Variants in GNAS observed in about 807,000 individuals in gnomAD.
GNAS encodes the protein protein ALEX.
GNAS carries 8 observed loss-of-function variants against 54.5 expected under a neutral mutation model. The observed-to-expected ratio is 0.15, with a 90% CI of 0.09 to 0.26. The LOEUF (loss-of-function observed/expected upper bound fraction) is 0.26, where lower values mean the gene tolerates loss of function less well. Ranked by LOEUF, GNAS falls within the 10% of genes least tolerant of loss-of-function variation. GNAS has a pLI of 1.00. For synonymous variants in GNAS, 204 were observed against 191.4 expected (o/e 1.07, Z -0.54); for missense variants, 170 against 529.8 (o/e 0.32, Z 6.67).
chr20:58,903,604 T>C lies in GNAS; in HGVS notation c.312+19T>C, dbSNP rs764757413. 2 of 1,614,042 alleles carry C rather than the reference T, an allele frequency of 1.2e-6. No homozygotes were observed. The highest frequency in any genetic ancestry group is 2.7e-5 in the African/African-American group (2 of 74,924). On this transcript the variant is annotated intron_variant, in intron 4 of 12. Transcript: ENST00000371085. Reference sequence around the variant, plus strand: ...GATTGAAGTACGTGCTGGCTCCTTGTGCTGTCTGTCTTGTAGCGCCCTCCC... The same window carrying C: ...GATTGAAGTACGTGCTGGCTCCTTGCGCTGTCTGTCTTGTAGCGCCCTCCC...
intron 1 of GNAS, among the ~76,000 whole-genome samples, chr20:58,861,727 C>T (rs144526468): frequency 8.5e-5 from 13 of 152,216 alleles, no homozygotes; most frequent in South Asian, 2.1e-4. Context: ...TTTATTGAGA[C>T]GGAGTTTTGC....
rs1333423712 is a variant in GNAS at position 58,857,446 on chromosome 20, C to T, written c.43+16560C>T. On this transcript the variant is annotated intron_variant, in intron 1 of 12. Transcript: ENST00000306090. The surrounding 1 kb of genome is among the most constrained non-coding windows in gnomAD (Gnocchi z 4.1). ...ACCCATTTCAATATTCCAAGCACAG[C>T]TCTGGGAAGCAAACCTGTAGATTGG... Among the ~76,000 whole-genome samples, 2 of 152,216 alleles carry T rather than the reference C, an allele frequency of 1.3e-5. No homozygotes were observed. Among genetic ancestry groups the T allele is most frequent in the African/African-American group, 4.8e-5 (2 of 41,442 alleles).
At chr20:58,901,882 C>T (rs1283828168) in intron 3 of GNAS, among the ~76,000 whole-genome samples, 2 of 133,400 alleles carry the variant, frequency 1.5e-5, no homozygotes, top group African/African-American at 5.6e-5. Flanking sequence ...CTGCCCTGCT[C>T]GTCTGCTCGT....
chr20:58,886,907 G>A (rs899780057), upstream of GNAS, among the ~76,000 whole-genome samples: 7 of 152,224 alleles, frequency 4.6e-5, no homozygotes, highest in African/African-American at 1.7e-4. Context: ...AAATATAGGT[G>A]AAACCTACAC....
chr20:58,900,072 G>A, intron 3 of GNAS: 2 of 599,530 alleles, frequency 3.3e-6, no homozygotes, highest in South Asian at 2.0e-5. Flanking sequence ...TGTTATCTGA[G>A]GGGGGAGGGG....
chr20:58,854,416 G>T (rs939626497), intron 1 of GNAS: 1 of 1,568,958 alleles, frequency 6.4e-7, no homozygotes, highest in Admixed American at 1.9e-5. Context: ...CCTGCCGCCG[G>T]GGCAGCCTCA....
In GNAS at chr20:58,863,982, A is replaced by G. The variant is rs2086905256; in HGVS notation, c.43+23096A>G. 6.6e-6 allele frequency: 1 copy of G among 152,384 alleles called. No homozygotes were observed. Among genetic ancestry groups the G allele is most frequent in the African/African-American group, 2.4e-5 (1 of 41,440 alleles). The allele number at this position is 152,384 out of a possible 1,614,324, so 9.4% of individuals were successfully genotyped here. A position where few individuals can be genotyped will look rare whatever the true frequency, so the allele number is the denominator to read the frequency against. On this transcript the variant is annotated intron_variant, in intron 1 of 12. Coordinates refer to the GNAS transcript ENST00000306090. The surrounding 1 kb of genome is among the most constrained non-coding windows in gnomAD (Gnocchi z 4.1). The stretch of plus-strand genomic sequence containing the variant: ...GTCCAGAACCCAAGAAGGGCCATGG[A>G]CAGGACCCTTCCAAAGGAAAGAGAA...
chr20:58,892,768 A>G (rs2089598611), intron 1 of GNAS, among the ~76,000 whole-genome samples: 1 of 151,996 alleles, frequency 6.6e-6, no homozygotes, highest in African/African-American at 2.4e-5. Context: ...AGAAGTGCCC[A>G]GTGAAGCCAA....
In GNAS at chr20:58,898,959, G is replaced by A. The variant is rs756233440; in HGVS notation, c.231G>A (p.Pro77=). The change falls in exon 3 of 13, where the codon CCG becomes CCA. Residue 77 remains proline (P), a synonymous_variant. Transcript: ENST00000371085. ...TTAAAAGGGGCGGCGAAGAGGACCC[G>A]CAGGCTGCAAGGAGCAACAGCGATG... ...GFNGEGGEED[P]QAARSNSDGE... 1.2e-5 allele frequency: 20 copies of A among 1,613,646 alleles called. No individual in the cohort carries two copies. Among genetic ancestry groups the A allele is most frequent in the African/African-American group, 1.2e-4 (9 of 74,878 alleles).
In GNAS at chr20:58,910,495, C is replaced by G; in HGVS notation, c.1038+94C>G. 8.5e-7 allele frequency: 1 copy of G among 1,175,882 alleles called. No homozygotes were observed. Among genetic ancestry groups the G allele is most frequent in the Non-Finnish European group, 1.3e-6 (1 of 785,848 alleles). 72.8% of individuals were successfully genotyped at this position (1,175,882 alleles called of 1,614,324 possible). A position where few individuals can be genotyped will look rare whatever the true frequency, so the allele number is the denominator to read the frequency against. On this transcript the variant is annotated intron_variant, in intron 12 of 12. Transcript: ENST00000371085. This position sits in a 1 kb window ranked among gnomAD's most constrained non-coding sequence, Gnocchi z 5.8. ...AATTCCAAATTCAGGGGTTCAGCTA[C>G]CCAGTTCCATGGTTTTAGTTCACGC...
Position 58,840,858 on chromosome 20 carries a change from CCAGATTCTCCTTGTTTT to C in GNAS, c.18_34del (p.Gln6HisfsTer10), listed in dbSNP as rs2085688169. On this transcript the variant is annotated frameshift_variant, in exon 1 of 13. Transcript: ENST00000306090. LOFTEE classifies it high-confidence loss of function. The surrounding 1 kb of genome is among the most constrained non-coding windows in gnomAD (Gnocchi z 6.0). ...CGGCGTCACTAATGGAGGACGCCGT[CCAGATTCTCCTTGTTTT>C]CATGGATTCAGGTTAGTTGCCCACC... 1 of 1,612,676 alleles carries C rather than the reference CCAGATTCTCCTTGTTTT, an allele frequency of 6.2e-7. No individual in the cohort carries two copies. Among genetic ancestry groups the C allele is most frequent in the Admixed American group, 1.7e-5 (1 of 59,998 alleles).
chr20:58,858,480 A>G (rs71335496), intron 1 of GNAS, among the ~76,000 whole-genome samples: 1 of 152,226 alleles, frequency 6.6e-6, no homozygotes, highest in African/African-American at 2.4e-5. Flanking sequence ...AACACTATCC[A>G]CCAATAGACT....
At position 58,896,109 on chromosome 20, in the gene GNAS, C is replaced by T. The variant is rs1040555344; in HGVS notation, c.212+425C>T. Among the ~76,000 whole-genome samples the T allele has an allele frequency of 3.9e-5, 6 of 152,154 alleles. No homozygotes were observed. In the South Asian group the frequency reaches 1.0e-3, roughly 26 times the overall value. On this transcript the variant is annotated intron_variant, in intron 2 of 12. Transcript: ENST00000371085. ...TGCAAATTCACCCCACCCCACCTCA[C>T]GCAGATTTCAATGTAATGAACCAAC...
In GNAS at chr20:58,891,869, A is replaced by AGGGC. The variant is rs1568980004; in HGVS notation, c.139+12_139+15dup. On this transcript the variant is annotated splice_donor_region_variant and intron_variant, in intron 1 of 12. Coordinates refer to ENST00000371085, the MANE Select transcript of GNAS (RefSeq NM_000516.7). ...ACGCACCGCCTGCTGCTGCTGGGTAAGGGCGGGCGGGGGGCGCCGGCCCCG... is the reference window on the plus strand; with the variant it reads ...ACGCACCGCCTGCTGCTGCTGGGTAAGGGCGGGCGGGCGGGGGGCGCCGGCCCCG... The AGGGC allele has an allele frequency of 7.5e-6, 9 of 1,193,088 alleles. No homozygotes were observed. Among genetic ancestry groups the AGGGC allele is most frequent in the Admixed American group, 2.4e-5 (1 of 41,476 alleles). 73.9% of individuals were successfully genotyped at this position (1,193,088 alleles called of 1,614,324 possible).
Position 58,891,885 on chromosome 20 carries a change from G to T in GNAS, c.139+20G>T, listed in dbSNP as rs1568980121. On this transcript the variant is annotated intron_variant, in intron 1 of 12. Transcript: ENST00000371085. ...TGCTGGGTAAGGGCGGGCGGGGGGC[G>T]CCGGCCCCGGCCCGGGGGCCCTCGA... The T allele has an allele frequency of 2.7e-6, 3 of 1,120,532 alleles. No homozygotes were observed. Among genetic ancestry groups the T allele is most frequent in the Non-Finnish European group, 3.4e-6 (3 of 889,656 alleles). The allele number at this position is 1,120,532 out of a possible 1,614,324, so 69.4% of individuals were successfully genotyped here. A position where few individuals can be genotyped will look rare whatever the true frequency, so the allele number is the denominator to read the frequency against.
Position 58,840,939 on chromosome 20 carries a change from CA to C in GNAS, c.43+54del. The C allele has an allele frequency of 6.3e-7, 1 of 1,590,268 alleles. No individual in the cohort carries two copies. The highest frequency in any genetic ancestry group is 2.3e-5 in the East Asian group (1 of 44,308). ...GCCTGAGGGCGGTGTGGGAGCAGCG[CA>C]GGTGGAAAGGAGGTGAGAAGGAAAG... On this transcript the variant is annotated intron_variant, in intron 1 of 12. Transcript: ENST00000306090. This position sits in a 1 kb window ranked among gnomAD's most constrained non-coding sequence, Gnocchi z 6.0.
At chr20:58,859,658 G>A (rs991135754) in intron 1 of GNAS, among the ~76,000 whole-genome samples, 22 of 141,054 alleles carry the variant, frequency 1.6e-4, no homozygotes, top group East Asian at 6.5e-4. Flanking sequence ...AAGGAGTCTC[G>A]CTCTATCGCC....
At chr20:58,851,727 C>A (rs901106408) in intron 1 of GNAS, among the ~76,000 whole-genome samples, 6 of 152,236 alleles carry the variant, frequency 3.9e-5, no homozygotes, top group Non-Finnish European at 7.3e-5. Flanking sequence ...GGTTTGTGGC[C>A]GGTTGGCGGG....
chr20:58,869,055 A>G (rs1267973474), intron 1 of GNAS, among the ~76,000 whole-genome samples: 1 of 152,172 alleles, frequency 6.6e-6, no homozygotes, highest in African/African-American at 2.4e-5. Flanking sequence ...CAGTTGAGCA[A>G]TTGACATCTA....
Sources: allele counts gnomAD v4.1 joint callset (sites outside exome capture counted in the v4.1 genomes callset), GRCh38; gene constraint gnomAD v4.1.1; non-coding constraint Gnocchi (gnomAD v3.1); transcripts MANE v1.5; gene names NCBI Gene and HGNC (gene_info 2026-07-23, HGNC 2026-07-21).